CHSY3: variants seen among roughly 807,000 people sequenced by gnomAD.
CHSY3 encodes chondroitin sulfate synthase 3.
CHSY3 carries 35 observed loss-of-function variants against 67.2 expected under a neutral mutation model. That is an observed-to-expected ratio of 0.52 (90% CI 0.40 to 0.69). CHSY3 has a LOEUF of 0.69. Ranked by LOEUF, CHSY3 falls within the 30% of genes least tolerant of loss-of-function variation. The probability of loss-of-function intolerance (pLI) is 0.00; values close to 1 mark genes in which losing one functional copy is unlikely to be tolerated. For synonymous variants in CHSY3, 474 were observed against 434.7 expected (o/e 1.09, Z -1.12); for missense variants, 1,069 against 1,138.5 (o/e 0.94, Z 0.88).
chr5:130,093,719 C>T (rs1415313968), intron 2 of CHSY3, among the ~76,000 whole-genome samples: 1 of 152,114 alleles, frequency 6.6e-6, no homozygotes, highest in Non-Finnish European at 1.5e-5. Context: ...ACCTTCTCTG[C>T]TTGATTATAT....
chr5:130,073,827 GA>G (rs1371203880), intron 2 of CHSY3, among the ~76,000 whole-genome samples: 1 of 152,110 alleles, frequency 6.6e-6, no homozygotes, highest in Non-Finnish European at 1.5e-5. Flanking sequence ...TTTCATAACA[GA>G]CTTTAGTGAC....
chr5:130,042,435 A>G (rs987248908), intron 2 of CHSY3, among the ~76,000 whole-genome samples: 1 of 152,138 alleles, frequency 6.6e-6, no homozygotes, highest in African/African-American at 2.4e-5. Flanking sequence ...GGAACCTTCT[A>G]TTATAATTTT....
chr5:130,009,020 G>A (rs1316784164), intron 2 of CHSY3, among the ~76,000 whole-genome samples: 2 of 77,096 alleles, frequency 2.6e-5, no homozygotes, highest in African/African-American at 1.1e-4. Flanking sequence ...GGGAGAGAGA[G>A]AAAGCAATGT....
At chr5:130,125,416 CAGATAGATAGAT>C (rs202095756) in intron 2 of CHSY3, among the ~76,000 whole-genome samples, 6 of 140,892 alleles carry the variant, frequency 4.3e-5, no homozygotes, top group Non-Finnish European at 6.1e-5. Context: ...GATCCTGTCT[CAGATAGATAGAT>C]AGATAGATAG....
intron 2 of CHSY3, among the ~76,000 whole-genome samples, chr5:130,015,518 A>T (rs1210719091): frequency 1.3e-5 from 2 of 152,230 alleles, no homozygotes; most frequent in Admixed American, 1.3e-4. Context: ...AGGGAAATGC[A>T]AATCAAAACC....
At chr5:129,943,297 G>C (rs1761751190) in intron 2 of CHSY3, among the ~76,000 whole-genome samples, 1 of 152,156 alleles carries the variant, frequency 6.6e-6, no homozygotes, top group Admixed American at 6.6e-5. Context: ...AAAACTGCTG[G>C]AGGAATTGAT....
chr5:130,053,171 T>A (rs1195695249), intron 2 of CHSY3, among the ~76,000 whole-genome samples: 1 of 152,150 alleles, frequency 6.6e-6, no homozygotes, highest in Non-Finnish European at 1.5e-5. Flanking sequence ...GAGAAATAGC[T>A]GGTCTGTATA....
intron 2 of CHSY3, among the ~76,000 whole-genome samples, chr5:130,041,429 T>C (rs1765003993): frequency 1.3e-5 from 2 of 152,102 alleles, no homozygotes; most frequent in Admixed American, 1.3e-4. Flanking sequence ...ATGCTGCATT[T>C]CTACAATACT....
chr5:130,035,015 CAAGTAA>C (rs1479577494), intron 2 of CHSY3, among the ~76,000 whole-genome samples: 1 of 151,984 alleles, frequency 6.6e-6, no homozygotes, highest in Non-Finnish European at 1.5e-5. Flanking sequence ...GGGGAAACAG[CAAGTAA>C]GTTCTTTTAA....
rs574442727 is a variant in CHSY3, at chr5:130,121,147, A to G, written c.1087-63082A>G. Among the ~76,000 whole-genome samples the G allele has an allele frequency of 3.9e-4, 60 of 152,268 alleles. 2 individuals are homozygous for G. In the South Asian group the frequency reaches 0.012, roughly 30 times the overall value. On this transcript the variant is annotated intron_variant, in intron 2 of 2. Transcript: ENST00000305031. ...CCCAACTTTAATGTGCATATGAGTC[A>G]GCTGGGGGAGTCTTGTTAAAATGTA...
In CHSY3 at chr5:129,977,783, A is replaced by G. The variant is rs6883694; in HGVS notation, c.1086+69423A>G. Among the ~76,000 whole-genome samples the G allele has an allele frequency of 2.9e-3, 445 of 152,216 alleles. 4 individuals carry two copies. Among genetic ancestry groups the G allele is most frequent in the African/African-American group, 0.01 (420 of 41,552 alleles). On this transcript the variant is annotated intron_variant, in intron 2 of 2. Transcript: ENST00000305031. ...TGTACTACAGTTTTAATTTAAAGTA[A>G]ATCTTTTAAGCAAACATGTATGGAA...
At chr5:130,001,163 G>A (rs750189316) in intron 2 of CHSY3, among the ~76,000 whole-genome samples, 2 of 152,020 alleles carry the variant, frequency 1.3e-5, no homozygotes, top group Non-Finnish European at 2.9e-5. Flanking sequence ...ACAAGCATGA[G>A]CCACCACGCC....
intron 2 of CHSY3, among the ~76,000 whole-genome samples, chr5:130,033,253 G>A (rs1764751786): frequency 6.6e-6 from 1 of 152,144 alleles, no homozygotes; most frequent in Admixed American, 6.6e-5. Context: ...TTACAGTCTA[G>A]TGTAATCATC....
chr5:130,058,874 G>A lies in CHSY3; in HGVS notation c.1087-125355G>A, dbSNP rs534548473. On this transcript the variant is annotated intron_variant, in intron 2 of 2. Coordinates refer to ENST00000305031, the MANE Select transcript of CHSY3 (RefSeq NM_175856.5). ...TCTTTGCGTTTTCATCATTCTGGCT[G>A]TTGCCAGATTCCTTGACTTGTGTCC... Among the ~76,000 whole-genome samples, 6 of 152,296 alleles carry A rather than the reference G, an allele frequency of 3.9e-5. No individual in the cohort carries two copies. The South Asian group carries it at 8.3e-4, about 21-fold the overall frequency.
chr5:130,113,536 G>A (rs1767664430), intron 2 of CHSY3, among the ~76,000 whole-genome samples: 1 of 152,130 alleles, frequency 6.6e-6, no homozygotes, highest in African/African-American at 2.4e-5. Flanking sequence ...AAATATAGAC[G>A]TAACAGTTAG....
chr5:129,970,724 A>G (rs546908555), intron 2 of CHSY3, among the ~76,000 whole-genome samples: 9 of 151,910 alleles, frequency 5.9e-5, no homozygotes, highest in South Asian at 2.1e-4. Flanking sequence ...TCTCATACTT[A>G]TAAAGAAGAT....
chr5:130,138,995 A>G (rs1482676417), intron 2 of CHSY3, among the ~76,000 whole-genome samples: 1 of 152,210 alleles, frequency 6.6e-6, no homozygotes, highest in Non-Finnish European at 1.5e-5. Context: ...CCTACTACAT[A>G]CATAGGCTAT....
intron 2 of CHSY3, among the ~76,000 whole-genome samples, chr5:129,997,562 G>T (rs1305030342): frequency 2.6e-5 from 4 of 151,880 alleles, no homozygotes; most frequent in East Asian, 1.9e-4. Flanking sequence ...CAATGCGCAG[G>T]TTTGTTACAT....
At chr5:129,970,927 C>G (rs10035354) in intron 2 of CHSY3, among the ~76,000 whole-genome samples, 52,308 of 151,582 alleles carry the variant, frequency 0.35, 9,278 homozygotes, top group South Asian at 0.46. Context: ...GTAAATGTCT[C>G]TACTATGCCA....
Sources: allele counts gnomAD v4.1 joint callset (sites outside exome capture counted in the v4.1 genomes callset), GRCh38; gene constraint gnomAD v4.1.1; transcripts MANE v1.5; gene names NCBI Gene and HGNC (gene_info 2026-07-23, HGNC 2026-07-21).